Variants in PTPRF observed in about 807,000 individuals in gnomAD.
PTPRF encodes the protein protein tyrosine phosphatase receptor type F.
PTPRF carries 59 observed loss-of-function variants against 201.8 expected under a neutral mutation model. That is an observed-to-expected ratio of 0.29 (90% CI 0.24 to 0.36). PTPRF has a LOEUF of 0.36. PTPRF is among the 10% of genes least tolerant of loss of function. The pLI is 1.00. For synonymous variants in PTPRF, 1,088 were observed against 1,089.7 expected, an observed-to-expected ratio of 1.00 and a Z score of 0.03; for missense variants, 2,132 against 2,690.5, an observed-to-expected ratio of 0.79 and a Z score of 4.59.
intron 12 of PTPRF, 135 bp from the exon 13 acceptor site, chr1:43,598,585 A>G: frequency 1.2e-6 from 1 of 828,528 alleles, no homozygotes; most frequent in Non-Finnish European, 1.9e-6. Flanking sequence ...CCAGGGACAG[A>G]TGATCTAAGG....
Position 43,546,465 on chromosome 1 carries a change from T to C in PTPRF, c.91+1299T>C, listed in dbSNP as rs140004323. Among the ~76,000 whole-genome samples the C allele has an allele frequency of 6.6e-6, 1 of 151,462 alleles. No individual in the cohort carries two copies. The highest frequency in any genetic ancestry group is 1.5e-5 in the Non-Finnish European group (1 of 67,798). Reference sequence around the variant, plus strand: ...TGGAACCTGCAGGGGCAGGTTGGAGTAGAAAGCCTTATCAGGTGTGACCCA... The same window carrying C: ...TGGAACCTGCAGGGGCAGGTTGGAGCAGAAAGCCTTATCAGGTGTGACCCA... On this transcript the variant is annotated intron_variant, in intron 3 of 33. Coordinates refer to ENST00000359947, the MANE Select transcript of PTPRF (RefSeq NM_002840.5). This position sits in a 1 kb window ranked among gnomAD's most constrained non-coding sequence, Gnocchi z 4.2.
chr1:43,568,821 G>A (rs1646366486), intron 5 of PTPRF, among the ~76,000 whole-genome samples: 1 of 152,204 alleles, frequency 6.6e-6, no homozygotes, highest in East Asian at 1.9e-4. Context: ...TAGCAAGCTG[G>A]GAGAAGGCAG....
intron 6 of PTPRF, among the ~76,000 whole-genome samples, chr1:43,570,921 G>C (rs1013298245): frequency 2.6e-5 from 4 of 152,254 alleles, no homozygotes; most frequent in African/African-American, 7.2e-5. Flanking sequence ...CAGCACAGCG[G>C]CCAGCACGGT....
rs142181863 is a variant in PTPRF, at chr1:43,588,859, G to A, written c.808G>A (p.Glu270Lys). 5.0e-5 allele frequency: 81 copies of A among 1,614,006 alleles called. No individual in the cohort carries two copies. The highest frequency in any genetic ancestry group is 1.6e-4 in the Middle Eastern group (1 of 6,082). The change falls in exon 8 of 34, where the codon GAG becomes AAG. Residue 270 changes from glutamate (E) to lysine (K), a missense_variant. Physicochemically the swap from Glu to Lys is moderately conservative, Grantham distance 56 (BLOSUM62 1). Coordinates refer to ENST00000359947, the MANE Select transcript of PTPRF (RefSeq NM_002840.5). This position sits in a 1 kb window ranked among gnomAD's most constrained non-coding sequence, Gnocchi z 5.3. ...CTACGTGAAGTGGATGATGGGGGCC[G>A]AGGAGCTCACCAAGGAGGATGAGAT... ...MPYVKWMMGA[E>K]ELTKEDEMPV...
At chr1:43,534,405 G>A (rs1437660450) in intron 1 of PTPRF, among the ~76,000 whole-genome samples, 2 of 152,218 alleles carry the variant, frequency 1.3e-5, no homozygotes, top group African/African-American at 2.4e-5. Flanking sequence ...GTGCAGGTAA[G>A]TAAGGTGAGA....
Position 43,591,196 on chromosome 1 carries a change from G to T in PTPRF, c.1174G>T (p.Val392Leu). 1 of 1,609,854 alleles carries T rather than the reference G, an allele frequency of 6.2e-7. No individual in the cohort carries two copies. The highest frequency in any genetic ancestry group is 8.5e-7 in the Non-Finnish European group (1 of 1,178,082). Residue 392 changes from valine (V) to leucine (L), a missense_variant, in exon 9 of 34, where the codon GTG becomes TTG. Physicochemically the swap from Val to Leu is conservative, Grantham distance 32 (BLOSUM62 1). Around this residue, in one of 6 missense-constraint regions of PTPRF, gnomAD observed 351 missense variants for 401.7 expected, o/e 0.87. Transcript: ENST00000359947. ...FSEYAFRVLA[V>L]NSIGRGPPSE... ...GGAATATGCCTTCCGCGTGCTGGCG[G>T]TGAACAGCATCGGGCGAGGGCCGCC...
Position 43,553,762 on chromosome 1 carries a change from C to A in PTPRF, c.238-38C>A. The A allele has an allele frequency of 1.2e-6, 2 of 1,613,572 alleles. No individual in the cohort carries two copies. The highest frequency in any genetic ancestry group is 1.7e-6 in the Non-Finnish European group (2 of 1,179,770). On this transcript the variant is annotated intron_variant, in intron 4 of 33. Coordinates refer to ENST00000359947, the MANE Select transcript of PTPRF (RefSeq NM_002840.5). The surrounding 1 kb of genome is among the most constrained non-coding windows in gnomAD (Gnocchi z 4.1). ...ACTGACCCTGAGCAGGCTCCTGTGT[C>A]CTGAGTAGGCTGTGACCCCATGTCT...
chr1:43,584,660 T>G (rs1455726657), intron 7 of PTPRF, among the ~76,000 whole-genome samples: 1 of 152,238 alleles, frequency 6.6e-6, no homozygotes, highest in African/African-American at 2.4e-5. Flanking sequence ...GCTGGTAATT[T>G]GTTTGGTGCT....
Position 43,545,101 on chromosome 1 carries a change from G to C in PTPRF, c.26G>C (p.Arg9Thr). 1 of 1,586,438 alleles carries C rather than the reference G, an allele frequency of 6.3e-7. No homozygotes were observed. Among genetic ancestry groups the C allele is most frequent in the Non-Finnish European group, 8.6e-7 (1 of 1,166,038 alleles). MAPEPAPG[R>T]TMVPLVPALV... is the part of the protein sequence containing the mutation. ...ATGGCCCCTGAGCCAGCCCCAGGGA[G>C]GACGATGGTGCCCCTTGTGCCTGCA... The change falls in exon 3 of 34, where the codon AGG becomes ACG. Residue 9 changes from arginine to threonine, a missense_variant. Arg to Thr is a moderately conservative substitution (Grantham distance 71). Transcript: ENST00000359947.
intron 8 of PTPRF, 67 bp from the exon 9 acceptor site, chr1:43,590,905 C>G: frequency 7.1e-7 from 1 of 1,399,058 alleles, no homozygotes; most frequent in African/African-American, 1.4e-5. Context: ...GGATAATCCC[C>G]AAGTCTAGGG....
rs1212624695 is a variant in PTPRF at position 43,588,513 on chromosome 1, G to A, written c.680-218G>A. ...AAGATCTCTCATTGAGTAAGTCATCGTGCTCCAGACAGTCCCTGAGTGTGG... is the reference window on the plus strand; with the variant it reads ...AAGATCTCTCATTGAGTAAGTCATCATGCTCCAGACAGTCCCTGAGTGTGG... On this transcript the variant is annotated intron_variant, in intron 7 of 33. Coordinates refer to ENST00000359947, the MANE Select transcript of PTPRF (RefSeq NM_002840.5). This position sits in a 1 kb window ranked among gnomAD's most constrained non-coding sequence, Gnocchi z 5.3. Among the ~76,000 whole-genome samples the A allele has an allele frequency of 6.6e-6, 1 of 152,174 alleles. No individual in the cohort carries two copies. Among genetic ancestry groups the A allele is most frequent in the Non-Finnish European group, 1.5e-5 (1 of 68,036 alleles).
In PTPRF at chr1:43,602,089, G is replaced by A. The variant is rs1312803474; in HGVS notation, c.2332G>A (p.Glu778Lys). The stretch of plus-strand genomic sequence containing the variant: ...CGGTCAGTGGCGGCCAGAGGAGTCC[G>A]AGGACTATGTAAGTAACAGGTGTGC... Reference protein sequence around the residue: ...AEAQWRPEESEDYETTISGLT... With the variant: ...AEAQWRPEESKDYETTISGLT... Residue 778 changes from glutamate (E) to lysine (K), a missense_variant, in exon 14 of 34, where the codon GAG becomes AAG. By Grantham distance (56) the Glu-to-Lys change is moderately conservative. This residue lies in a region of PTPRF where 818 missense variants were observed against 915.3 expected (regional missense o/e 0.89). Transcript: ENST00000359947. 12 of 1,613,492 alleles carry A rather than the reference G, an allele frequency of 7.4e-6. No individual in the cohort carries two copies. Among genetic ancestry groups the A allele is most frequent in the African/African-American group, 4.0e-5 (3 of 74,914 alleles).
chr1:43,557,892 C>A (rs950128014), intron 5 of PTPRF, among the ~76,000 whole-genome samples: 1 of 152,182 alleles, frequency 6.6e-6, no homozygotes, highest in African/African-American at 2.4e-5. Context: ...ATAACCTTGG[C>A]CAGCATTGGG....
chr1:43,614,783 C>T (rs1434102661), intron 23 of PTPRF, among the ~76,000 whole-genome samples: 3 of 152,066 alleles, frequency 2.0e-5, no homozygotes, highest in Non-Finnish European at 1.5e-5. Context: ...ACCCGGGAGG[C>T]GGAGGTTGCG....
chr1:43,552,866 G>T (rs538101708), intron 3 of PTPRF, among the ~76,000 whole-genome samples: 2 of 152,272 alleles, frequency 1.3e-5, no homozygotes, highest in African/African-American at 2.4e-5. Flanking sequence ...ACTAAGTCGG[G>T]GGGGAGGGAT....
rs532674541 is a variant in PTPRF, at chr1:43,598,388, T to C, written c.2120-332T>C. ...CCACGTTGGCTGGACATTGGCATGATTGGGGCCTAGGAGGAGTCAGGACAG... is the reference window on the plus strand; with the variant it reads ...CCACGTTGGCTGGACATTGGCATGACTGGGGCCTAGGAGGAGTCAGGACAG... On this transcript the variant is annotated intron_variant, in intron 12 of 33. Coordinates refer to ENST00000359947, the MANE Select transcript of PTPRF (RefSeq NM_002840.5). The C allele has an allele frequency of 1.6e-4, 74 of 454,632 alleles. 1 individual carries two copies. The highest frequency in any genetic ancestry group is 6.2e-4 in the Admixed American group (16 of 25,648). 28.2% of individuals were successfully genotyped at this position (454,632 alleles called of 1,614,324 possible).
chr1:43,592,766 G>GT (rs1365976662), intron 11 of PTPRF, among the ~76,000 whole-genome samples, 165 bp downstream of exon 11: 1 of 152,232 alleles, frequency 6.6e-6, no homozygotes, highest in Non-Finnish European at 1.5e-5. Context: ...AGAGGGCCAG[G>GT]TAAGTGCCTC....
Position 43,588,857 on chromosome 1 carries a change from C to T in PTPRF, c.806C>T (p.Ala269Val). The part of the protein sequence containing the change: ...PMPYVKWMMG[A>V]EELTKEDEMP... ...CCCTACGTGAAGTGGATGATGGGGG[C>T]CGAGGAGCTCACCAAGGAGGATGAG... Residue 269 changes from alanine (A) to valine (V), a missense_variant, in exon 8 of 34, where the codon GCC becomes GTC. Ala to Val is a moderately conservative substitution (Grantham distance 64, BLOSUM62 0). This residue lies in a region of PTPRF where 297 missense variants were observed against 454.0 expected (regional missense o/e 0.65). Transcript: ENST00000359947. The surrounding 1 kb of genome is among the most constrained non-coding windows in gnomAD (Gnocchi z 5.3). 6.2e-7 allele frequency: 1 copy of T among 1,614,102 alleles called. No homozygotes were observed. Among genetic ancestry groups the T allele is most frequent in the Non-Finnish European group, 8.5e-7 (1 of 1,180,008 alleles).
chr1:43,578,946 C>A, intron 7 of PTPRF, 26 bp downstream of exon 7: 1 of 1,604,974 alleles, frequency 6.2e-7, no homozygotes, highest in Non-Finnish European at 8.5e-7. Context: ...GTGCCTGGCC[C>A]CTGTCACCAC....
Sources: gnomAD v4.1 joint callset for allele counts (sites outside exome capture counted in the v4.1 genomes callset) on GRCh38, gnomAD v4.1.1 for gene constraint, gnomAD v4.1.1 regional missense constraint, Gnocchi (gnomAD v3.1) non-coding constraint, MANE v1.5 for transcripts, NCBI Gene and HGNC (gene_info 2026-07-23, HGNC 2026-07-21) for gene names.